SLC12A2: variants seen among roughly 807,000 people sequenced by gnomAD.
SLC12A2 encodes solute carrier family 12 member 2.
Under a neutral mutation model 136.3 loss-of-function variants are expected in SLC12A2, and 67 were observed. The observed-to-expected ratio is 0.49, with a 90% CI of 0.40 to 0.60. The LOEUF is 0.60. Among genes scored for constraint, SLC12A2 ranks in the 20% least tolerant of loss-of-function variants. The probability of loss-of-function intolerance (pLI) is 0.00; values close to 1 mark genes in which losing one functional copy is unlikely to be tolerated. For missense variants in SLC12A2, 1,322 were observed against 1,534.7 expected (o/e 0.86, Z 2.32); for synonymous variants, 619 against 562.9 (o/e 1.10, Z -1.41).
intron 1 of SLC12A2, among the ~76,000 whole-genome samples, chr5:128,105,292 A>G (rs1760890503): frequency 6.6e-6 from 1 of 152,180 alleles, no homozygotes; most frequent in African/African-American, 2.4e-5. Flanking sequence ...CGATGTTTAG[A>G]GCTATGAGTC....
chr5:128,089,288 T>C (rs1328387586), intron 1 of SLC12A2, among the ~76,000 whole-genome samples: 1 of 152,088 alleles, frequency 6.6e-6, no homozygotes, highest in Admixed American at 6.6e-5. Flanking sequence ...CTTGGGAGGC[T>C]GAGGCAGGAG....
At chr5:128,142,072 CAT>C in intron 10 of SLC12A2, 91 bp downstream of exon 10, 1 of 1,051,086 alleles carries the variant, frequency 9.5e-7, no homozygotes, top group Non-Finnish European at 1.4e-6. Flanking sequence ...ATAGCTGTAA[CAT>C]AGAAGGGAGG....
chr5:128,123,665 G>A (rs1761674350), intron 4 of SLC12A2, among the ~76,000 whole-genome samples: 1 of 152,142 alleles, frequency 6.6e-6, no homozygotes, highest in Admixed American at 6.5e-5. Context: ...TTACTATTGA[G>A]TTTTGAGAGG....
Position 128,084,250 on chromosome 5 carries a change from C to A in SLC12A2, c.296C>A (p.Ala99Glu). 1 of 1,237,354 alleles carries A rather than the reference C, an allele frequency of 8.1e-7. No homozygotes were observed. Among genetic ancestry groups the A allele is most frequent in the Admixed American group, 4.3e-5 (1 of 23,382 alleles). 76.6% of individuals were successfully genotyped at this position (1,237,354 alleles called of 1,614,324 possible). The change falls in exon 1 of 27, where the codon GCG becomes GAG. Residue 99 changes from alanine (A) to glutamate (E), a missense_variant. By Grantham distance (107) the Ala-to-Glu change is moderately radical (BLOSUM62 -1). This residue lies in a region of SLC12A2 where 358 missense variants were observed against 299.7 expected (regional missense o/e 1.19). Transcript: ENST00000262461. This position sits in a 1 kb window ranked among gnomAD's most constrained non-coding sequence, Gnocchi z 5.6. Reference sequence around the variant, plus strand: ...GGGCGGGCCGCTGCTGCGGCGGCGGCGGCGGCGGCGGCAGCGGCGGCGGCT... The same window carrying A: ...GGGCGGGCCGCTGCTGCGGCGGCGGAGGCGGCGGCGGCAGCGGCGGCGGCT... ...NAGRAAAAAA[A>E]AAAAAAAAGA...
intron 22 of SLC12A2, among the ~76,000 whole-genome samples, chr5:128,178,933 A>T (rs1763617776): frequency 6.6e-6 from 1 of 152,024 alleles, no homozygotes; most frequent in Admixed American, 6.6e-5. Context: ...TTTAATATGA[A>T]CCATTTTGTT....
At chr5:128,184,604 C>CT in intron 25 of SLC12A2, 103 bp downstream of exon 25, 1 of 1,302,282 alleles carries the variant, frequency 7.7e-7, no homozygotes. Context: ...TAAATGAACT[C>CT]TACTTTAAAA....
intron 17 of SLC12A2, among the ~76,000 whole-genome samples, chr5:128,166,774 AATTGT>A (rs1763217246): frequency 6.6e-6 from 1 of 152,086 alleles, no homozygotes; most frequent in South Asian, 2.1e-4. Flanking sequence ...AATACTATTG[AATTGT>A]ACACTTAAAA....
chr5:128,117,851 G>A (rs1017230217), intron 4 of SLC12A2, among the ~76,000 whole-genome samples: 2 of 151,978 alleles, frequency 1.3e-5, no homozygotes, highest in Admixed American at 6.6e-5. Flanking sequence ...TGCAAAATCT[G>A]CAAGGAACTC....
At chr5:128,129,058 C>G (rs1274576016) in intron 4 of SLC12A2, among the ~76,000 whole-genome samples, 1 of 151,998 alleles carries the variant, frequency 6.6e-6, no homozygotes, top group Non-Finnish European at 1.5e-5. Flanking sequence ...CTTTAAGGCA[C>G]ATAACATGAA....
chr5:128,144,692 T>TAC (rs1036410834), intron 10 of SLC12A2, among the ~76,000 whole-genome samples: 3 of 152,096 alleles, frequency 2.0e-5, no homozygotes, highest in African/African-American at 7.2e-5. Flanking sequence ...AGTGTGTTTG[T>TAC]ACACACACAC....
chr5:128,144,268 T>G (rs1172528318), intron 10 of SLC12A2, among the ~76,000 whole-genome samples: 2 of 152,186 alleles, frequency 1.3e-5, no homozygotes, highest in East Asian at 3.9e-4. Context: ...CTTTTCTTAT[T>G]TAAAGGAAGT....
intron 5 of SLC12A2, among the ~76,000 whole-genome samples, chr5:128,132,550 G>A (rs1262117755): frequency 6.6e-6 from 1 of 152,120 alleles, no homozygotes; most frequent in Non-Finnish European, 1.5e-5. Flanking sequence ...GTATTGCTCT[G>A]GAGTATAATT....
At chr5:128,124,585 G>T (rs1175317860) in intron 4 of SLC12A2, among the ~76,000 whole-genome samples, 1 of 152,216 alleles carries the variant, frequency 6.6e-6, no homozygotes, top group Admixed American at 6.5e-5. Flanking sequence ...GATGGTATGG[G>T]AGAAGGGATG....
intron 15 of SLC12A2, among the ~76,000 whole-genome samples, chr5:128,154,513 C>T (rs1468684050): frequency 1.3e-5 from 2 of 152,088 alleles, no homozygotes; most frequent in Admixed American, 6.6e-5. Flanking sequence ...CAAGGTTTGT[C>T]ATGAAAATCA....
At chr5:128,110,299 C>T (rs539499638) in intron 1 of SLC12A2, 27 of 833,528 alleles carry the variant, frequency 3.2e-5, no homozygotes, top group Admixed American at 6.8e-5. Flanking sequence ...TGCCTACCTA[C>T]GACTTGACTG....
rs76347475 is a variant in SLC12A2 at position 128,155,402 on chromosome 5, C to T, written c.2363+2597C>T. On this transcript the variant is annotated intron_variant, in intron 15 of 26. Transcript: ENST00000262461. ...TCCTTACCTTTATACCCCATCCTCC[C>T]AATACATTTTATATTATGATTTTGA... Among the ~76,000 whole-genome samples the T allele has an allele frequency of 5.5e-3, 841 of 152,172 alleles. 3 individuals carry two copies. Among genetic ancestry groups the T allele is most frequent in the Middle Eastern group, 0.024 (7 of 294 alleles).
rs150712558 is a variant in SLC12A2 at position 128,131,121 on chromosome 5, T to C, written c.1103T>C (p.Ile368Thr). 1 of 1,614,006 alleles carries C rather than the reference T, an allele frequency of 6.2e-7. No individual in the cohort carries two copies. The highest frequency in any genetic ancestry group is 1.3e-5 in the African/African-American group (1 of 74,950). ...RSLGPEFGGAIGLIFAFANAV... is the reference protein window; with the variant it reads ...RSLGPEFGGATGLIFAFANAV... The stretch of plus-strand genomic sequence containing the variant: ...CTAGGGCCAGAATTTGGTGGTGCAA[T>C]TGGTCTAATCTTCGCCTTTGCCAAC... Residue 368 changes from isoleucine (I) to threonine (T), a missense_variant, in exon 5 of 27, where the codon ATT becomes ACT. By Grantham distance (89) the Ile-to-Thr change is moderately conservative. This residue lies in a region of SLC12A2 where 71 missense variants were observed against 131.0 expected (regional missense o/e 0.54). Transcript: ENST00000262461.
At chr5:128,110,152 G>C (rs916087477) in intron 1 of SLC12A2, 1 of 860,096 alleles carries the variant, frequency 1.2e-6, no homozygotes, top group Admixed American at 1.7e-5. Context: ...TCTTTGACTA[G>C]AAAGGTGAAG....
intron 16 of SLC12A2, among the ~76,000 whole-genome samples, chr5:128,158,636 A>G (rs944757106): frequency 6.6e-6 from 1 of 152,030 alleles, no homozygotes; most frequent in South Asian, 2.1e-4. Context: ...CATGTCTTTG[A>G]TGTTGTGAAT....
Sources: allele counts gnomAD v4.1 joint callset (sites outside exome capture counted in the v4.1 genomes callset), GRCh38; gene constraint gnomAD v4.1.1; regional missense constraint gnomAD v4.1.1; non-coding constraint Gnocchi (gnomAD v3.1); transcripts MANE v1.5; gene names NCBI Gene and HGNC (gene_info 2026-07-23, HGNC 2026-07-21).